The following TBC1D8B variants were observed in gnomAD, a reference collection of about 807,000 sequenced individuals.
TBC1D8B encodes RP11-321G1.1.
A neutral mutation model predicts 82.9 loss-of-function variants in TBC1D8B; 75 were observed. That is an observed-to-expected ratio of 0.90 (90% confidence interval 0.75 to 1.10). The LOEUF is 1.10. TBC1D8B is among the 50% of genes least tolerant of loss of function. The pLI is 0.00. For synonymous variants in TBC1D8B, 276 were observed against 276.8 expected (o/e 1.00, Z 0.03); for missense variants, 794 against 796.9 (o/e 1.00, Z 0.04).
At position 106,853,574 on chromosome X, in the gene TBC1D8B, A is replaced by C; in HGVS notation, c.2177A>C (p.Gln726Pro). 2 of 1,208,606 alleles carry C rather than the reference A, an allele frequency of 1.7e-6. No homozygotes were observed. The highest frequency in any genetic ancestry group is 2.2e-6 in the Non-Finnish European group (2 of 892,692). The stretch of plus-strand genomic sequence containing the variant: ...AGTCCATTGCCTTCAAATGTTCAGC[A>C]AGGTTCAAATGTGAGTGATGAAAAA... ...KDSPLPSNVQ[Q>P]GSNVSDEKTS... Residue 726 changes from glutamine to proline, a missense_variant, in exon 13 of 21, where the codon CAA becomes CCA. Coordinates refer to ENST00000357242, the MANE Select transcript of TBC1D8B (RefSeq NM_017752.3).
intron 20 of TBC1D8B, among the ~76,000 whole-genome samples, chrX:106,873,161 G>A (rs1333781677): frequency 2.7e-5 from 3 of 111,195 alleles, no homozygotes; most frequent in Non-Finnish European, 3.8e-5. Flanking sequence ...GCAATGGCAC[G>A]ATCTCGGCTC....
At chrX:106,871,687 TC>T (rs1241241372) in intron 20 of TBC1D8B, among the ~76,000 whole-genome samples, 2 of 111,800 alleles carry the variant, frequency 1.8e-5, no homozygotes, top group Non-Finnish European at 3.8e-5. Context: ...CTCCCTCCTT[TC>T]CCCCAGTAAC....
At chrX:106,803,604 A>G (rs760859980) in intron 1 of TBC1D8B, among the ~76,000 whole-genome samples, 31 of 111,294 alleles carry the variant, frequency 2.8e-4, no homozygotes, top group South Asian at 7.7e-4. Flanking sequence ...AATCTTTGGG[A>G]TCCCCTCTCA....
chrX:106,849,321 G>A, intron 11 of TBC1D8B: 1 of 1,122,195 alleles, frequency 8.9e-7, no homozygotes, highest in East Asian at 3.2e-5. Context: ...AGGAAAATCT[G>A]GGGTAGCACC....
intron 1 of TBC1D8B, 111 bp downstream of exon 1, chrX:106,803,094 G>A: frequency 2.2e-6 from 2 of 918,040 alleles, no homozygotes; most frequent in Non-Finnish European, 2.9e-6. Context: ...AATCGTGGGC[G>A]GAGGGACTGG....
chrX:106,805,346 A>G (rs1349552218), intron 1 of TBC1D8B, among the ~76,000 whole-genome samples: 1 of 109,503 alleles, frequency 9.1e-6, no homozygotes, highest in Non-Finnish European at 1.9e-5. Context: ...GGTCTCCCAA[A>G]GGACTGGGAT....
chrX:106,857,165 T>G (rs1043381899), intron 14 of TBC1D8B, among the ~76,000 whole-genome samples: 16 of 110,803 alleles, frequency 1.4e-4, no homozygotes, highest in South Asian at 3.9e-4. Context: ...ATTCTTTTTG[T>G]TTTTTTTGAG....
chrX:106,830,078 G>T (rs1224460495), intron 7 of TBC1D8B: 2 of 111,516 alleles, frequency 1.8e-5, no homozygotes, highest in Non-Finnish European at 3.8e-5. Flanking sequence ...AATCTACAAT[G>T]AACTCAAACA....
chrX:106,866,022 C>T lies in TBC1D8B; in HGVS notation c.2651C>T (p.Ser884Phe), dbSNP rs762453305. 8.3e-7 allele frequency: 1 copy of T among 1,200,727 alleles called. No homozygotes were observed. ...TGCCTTATAAACTTCAAAGAATTCTCCTCTGCAATTGGTAAGATGATTTTT... is the reference window on the plus strand; with the variant it reads ...TGCCTTATAAACTTCAAAGAATTCTTCTCTGCAATTGGTAAGATGATTTTT... Reference protein sequence around the residue: ...SDCLINFKEFSSAIDIMYNGS... With the variant: ...SDCLINFKEFFSAIDIMYNGS... The change falls in exon 16 of 21, where the codon TCC (serine) becomes TTC (phenylalanine). Residue 884 changes from serine to phenylalanine, a missense_variant. Coordinates refer to ENST00000357242, the MANE Select transcript of TBC1D8B (RefSeq NM_017752.3).
At chrX:106,870,952 T>C (rs1033466761) in intron 20 of TBC1D8B, 139 bp downstream of exon 20, 3 of 389,935 alleles carry the variant, frequency 7.7e-6, no homozygotes, top group Non-Finnish European at 1.3e-5. Flanking sequence ...CAGATGAGCA[T>C]GGAAGAGTGG....
chrX:106,866,601 G>A (rs931709495), intron 16 of TBC1D8B, among the ~76,000 whole-genome samples, 196 bp from the exon 17 acceptor site: 1 of 112,283 alleles, frequency 8.9e-6, no homozygotes, highest in Non-Finnish European at 1.9e-5. Context: ...TTGATAAAGA[G>A]TATTTTGCTT....
intron 7 of TBC1D8B, among the ~76,000 whole-genome samples, chrX:106,837,253 G>C (rs1489380001): frequency 8.9e-6 from 1 of 111,749 alleles, no homozygotes; most frequent in South Asian, 3.7e-4. Flanking sequence ...AAAGTGAAAA[G>C]ACAACCCACA....
intron 1 of TBC1D8B, among the ~76,000 whole-genome samples, chrX:106,809,446 A>G (rs1393470753): frequency 9.0e-6 from 1 of 111,712 alleles, no homozygotes; most frequent in Non-Finnish European, 1.9e-5. Flanking sequence ...TTGTGGTACT[A>G]GAATATATGA....
At chrX:106,851,866 T>A (rs1474685957) in intron 12 of TBC1D8B, among the ~76,000 whole-genome samples, 2 of 111,719 alleles carry the variant, frequency 1.8e-5, no homozygotes, top group Non-Finnish European at 3.8e-5. Flanking sequence ...ATAGTGCCGC[T>A]ATAAACATAT....
Position 106,827,350 on chromosome X carries a change from A to T in TBC1D8B, c.1203+13A>T. On this transcript the variant is annotated intron_variant, in intron 7 of 20. Transcript: ENST00000357242. ...TATTAGCACAGAGGTAATTAATTAT[A>T]CAGCAATCAAATCATTTGGAAAAAA... is the stretch of plus-strand genomic sequence containing the variant. 8.3e-7 allele frequency: 1 copy of T among 1,207,492 alleles called. No homozygotes were observed. The highest frequency in any genetic ancestry group is 1.1e-6 in the Non-Finnish European group (1 of 892,387).
Position 106,874,101 on chromosome X carries a change from A to C in TBC1D8B, c.*136A>C. The stretch of plus-strand genomic sequence containing the variant: ...GCCAAAATATATATCCAGAAGCACA[A>C]TGCATCATTCCTTTGTTGTTGATAA... On this transcript the variant is annotated 3_prime_UTR_variant, in exon 21 of 21. Coordinates refer to ENST00000357242, the MANE Select transcript of TBC1D8B (RefSeq NM_017752.3). 1.8e-6 allele frequency: 1 copy of C among 546,211 alleles called. No individual in the cohort carries two copies. Among genetic ancestry groups the C allele is most frequent in the Admixed American group, 4.7e-5 (1 of 21,415 alleles). The allele number at this position is 546,211 out of a possible 1,213,427, so 45.0% of individuals were successfully genotyped here.
At position 106,823,208 on chromosome X, in the gene TBC1D8B, T is replaced by C. The variant is rs756953637; in HGVS notation, c.587-18T>C. On this transcript the variant is annotated intron_variant, in intron 4 of 20. Coordinates refer to ENST00000357242, the MANE Select transcript of TBC1D8B (RefSeq NM_017752.3). ...CTATGAAAATTTAATCATACCTGCT[T>C]ATACCTCTTATTTGCAGTAAAACTC... The C allele has an allele frequency of 8.3e-7, 1 of 1,198,306 alleles. No individual in the cohort carries two copies. The highest frequency in any genetic ancestry group is 3.0e-5 in the East Asian group (1 of 33,525).
Position 106,868,487 on chromosome X carries a change from G to A in TBC1D8B, c.2812+11G>A. The A allele has an allele frequency of 1.0e-6, 1 of 958,406 alleles. No individual in the cohort carries two copies. The highest frequency in any genetic ancestry group is 1.3e-6 in the Non-Finnish European group (1 of 744,431). 79.0% of individuals were successfully genotyped at this position (958,406 alleles called of 1,213,427 possible). A position where few individuals can be genotyped will look rare whatever the true frequency, so the allele number is the denominator to read the frequency against. Reference sequence around the variant, plus strand: ...TCAGTCAGCTGCATGGTAAATACCTGTTTAAAATGTTAACTGTTTTGATGA... The same window carrying A: ...TCAGTCAGCTGCATGGTAAATACCTATTTAAAATGTTAACTGTTTTGATGA... On this transcript the variant is annotated intron_variant, in intron 18 of 20. Coordinates refer to ENST00000357242, the MANE Select transcript of TBC1D8B (RefSeq NM_017752.3).
intron 10 of TBC1D8B, among the ~76,000 whole-genome samples, chrX:106,847,523 T>A (rs1932483896): frequency 8.9e-6 from 1 of 111,882 alleles, no homozygotes; most frequent in Non-Finnish European, 1.9e-5. Context: ...TAATAAGGGA[T>A]GTGGCAATGT....
Sources: gnomAD v4.1 joint callset for allele counts (sites outside exome capture counted in the v4.1 genomes callset) on GRCh38, gnomAD v4.1.1 for gene constraint, MANE v1.5 for transcripts, NCBI Gene and HGNC (gene_info 2026-07-23, HGNC 2026-07-21) for gene names.